The following DHX57 variants were observed in gnomAD, a reference collection of about 807,000 sequenced individuals.
DHX57 encodes the protein putative ATP-dependent RNA helicase DHX57.
In DHX57, 105 loss-of-function variants were observed where a neutral mutation model predicts 156.2. The observed-to-expected ratio is 0.67, with a 90% CI of 0.57 to 0.79. The LOEUF is 0.79. Among genes scored for constraint, DHX57 ranks in the 30% least tolerant of loss-of-function variants. DHX57 has a pLI of 0.00. For synonymous variants in DHX57, 704 were observed against 595.6 expected (o/e 1.18, Z -2.65); for missense variants, 1,847 against 1,661.9 (o/e 1.11, Z -1.94).
At chr2:38,810,565 C>T (rs943222473) in intron 21 of DHX57, 4 of 582,320 alleles carry the variant, frequency 6.9e-6, no homozygotes, top group East Asian at 7.9e-5. Context: ...CTGCTCTCCA[C>T]TGTAGAGAGA....
Position 38,858,853 on chromosome 2 carries a change from G to T in DHX57, c.1412-17C>A, listed in dbSNP as rs1400010707. On this transcript the variant is annotated splice_polypyrimidine_tract_variant and intron_variant, in intron 5 of 23. Transcript: ENST00000457308. ...CTTTTTCAACTTGAAGGAAATAAAA[G>T]AAAACATTTCAGTATGGAGCCCTTT... 1.2e-6 allele frequency: 2 copies of T among 1,603,616 alleles called. No homozygotes were observed. Among genetic ancestry groups the T allele is most frequent in the East Asian group, 2.3e-5 (1 of 44,284 alleles).
rs780484174 is a variant in DHX57, at chr2:38,861,478, C to A, written c.932G>T (p.Gly311Val). 6.2e-7 allele frequency: 1 copy of A among 1,614,008 alleles called. No individual in the cohort carries two copies. Among genetic ancestry groups the A allele is most frequent in the South Asian group, 1.1e-5 (1 of 91,076 alleles). Reference protein sequence around the residue: ...SLEICKFYLKGNCKFGSKCRF... With the variant: ...SLEICKFYLKVNCKFGSKCRF... ...GCATTTTGATCCAAATTTACAATTT[C>A]CTTTGAGGTAAAATTTACAGATTTC... Residue 311 changes from glycine (G) to valine (V), a missense_variant, in exon 5 of 24, where the codon GGA (glycine) becomes GTA (valine). Transcript: ENST00000457308.
chr2:38,842,567 G>GA lies in DHX57; in HGVS notation c.2425+437dup, dbSNP rs1297945270. On this transcript the variant is annotated intron_variant, in intron 12 of 23. Coordinates refer to ENST00000457308, the MANE Select transcript of DHX57 (RefSeq NM_198963.3). The stretch of plus-strand genomic sequence containing the variant: ...CTGTAACTTACTCTCAGGAGATTCA[G>GA]AAAAAAAAAATACATGAACCCAGAG... 2.9e-3 allele frequency among the ~76,000 whole-genome samples: 433 copies of GA among 147,016 alleles called. 3 individuals carry two copies. Among genetic ancestry groups the GA allele is most frequent in the African/African-American group, 9.5e-3 (383 of 40,230 alleles).
intron 20 of DHX57, 85 bp from the exon 21 acceptor site, chr2:38,813,980 C>G (rs1299250942): frequency 6.7e-7 from 1 of 1,483,930 alleles, no homozygotes; most frequent in Non-Finnish European, 9.3e-7. Context: ...CTCTGTCACC[C>G]AGGCAAGTGT....
At chr2:38,812,374 G>T (rs980947836) in intron 21 of DHX57, among the ~76,000 whole-genome samples, 4 of 152,158 alleles carry the variant, frequency 2.6e-5, no homozygotes, top group East Asian at 1.9e-4. Context: ...AAAAGTTAAG[G>T]CTTTGAAAAA....
chr2:38,862,491 A>T (rs1673287017), intron 3 of DHX57, 158 bp from the exon 4 acceptor site: 1 of 669,962 alleles, frequency 1.5e-6, no homozygotes, highest in Admixed American at 3.8e-5. Flanking sequence ...CTTGGCAATT[A>T]ACATTTACCA....
intron 21 of DHX57, among the ~76,000 whole-genome samples, chr2:38,813,391 G>C (rs1670370523): frequency 6.7e-6 from 1 of 149,994 alleles, no homozygotes; most frequent in Non-Finnish European, 1.5e-5. Flanking sequence ...TTTTTTTTGA[G>C]ATGGAGTCTC....
At chr2:38,818,422 G>A (rs1337375837) in intron 19 of DHX57, among the ~76,000 whole-genome samples, 1 of 152,142 alleles carries the variant, frequency 6.6e-6, no homozygotes, top group Non-Finnish European at 1.5e-5. Flanking sequence ...AGCTACTCAG[G>A]TGTCTGAGGC....
At chr2:38,820,166 A>C (rs1318406203) in intron 17 of DHX57, among the ~76,000 whole-genome samples, 1 of 152,182 alleles carries the variant, frequency 6.6e-6, no homozygotes, top group Non-Finnish European at 1.5e-5. Flanking sequence ...AATAGCAATA[A>C]AATTTTAATT....
chr2:38,847,161 G>T, intron 10 of DHX57, 88 bp from the exon 11 acceptor site: 2 of 1,031,024 alleles, frequency 1.9e-6, no homozygotes, highest in Non-Finnish European at 2.9e-6. Context: ...TTCTCTTAAA[G>T]CTTGTCATGC....
rs370379266 is a variant in DHX57 at position 38,828,232 on chromosome 2, C to G, written c.2639+108G>C. 6.9e-5 allele frequency: 49 copies of G among 711,696 alleles called. No homozygotes were observed. The East Asian group carries it at 1.2e-3, about 18-fold the overall frequency. The allele number at this position is 711,696 out of a possible 1,614,324, so 44.1% of individuals were successfully genotyped here. On this transcript the variant is annotated intron_variant, in intron 14 of 23. Coordinates refer to ENST00000457308, the MANE Select transcript of DHX57 (RefSeq NM_198963.3). ...TTTGCTCATTTCCAGCTGGCATAAA[C>G]AAATGTATGCTCGAAGACTGGTGCT...
chr2:38,843,326 T>C, intron 11 of DHX57, 116 bp from the exon 12 acceptor site: 1 of 1,025,504 alleles, frequency 9.8e-7, no homozygotes, highest in South Asian at 1.5e-5. Context: ...CCAATTCACA[T>C]GCCATCCTTC....
At chr2:38,865,481 CAATT>C (rs1665023542) in intron 2 of DHX57, among the ~76,000 whole-genome samples, 1 of 152,174 alleles carries the variant, frequency 6.6e-6, no homozygotes. Context: ...TACTGTGAGT[CAATT>C]AAACCTCTTT....
chr2:38,846,943 T>C, intron 11 of DHX57, 76 bp downstream of exon 11: 1 of 1,324,536 alleles, frequency 7.5e-7, no homozygotes, highest in Admixed American at 1.9e-5. Flanking sequence ...ACCTTTGCCT[T>C]CCAAAGTGCT....
chr2:38,859,777 C>A (rs1454854885), intron 5 of DHX57, among the ~76,000 whole-genome samples: 2 of 149,364 alleles, frequency 1.3e-5, no homozygotes, highest in Non-Finnish European at 3.0e-5. Context: ...ACTTTTGTTT[C>A]TCTGGAAGAA....
At chr2:38,827,154 A>AAAAT (rs1671127065) in intron 14 of DHX57, among the ~76,000 whole-genome samples, 1 of 151,748 alleles carries the variant, frequency 6.6e-6, no homozygotes, top group South Asian at 2.1e-4. Flanking sequence ...AAAATAAAAT[A>AAAAT]AAATAAAAGG....
At chr2:38,805,652 T>C (rs1465112226) in intron 22 of DHX57, among the ~76,000 whole-genome samples, 1 of 151,136 alleles carries the variant, frequency 6.6e-6, no homozygotes, top group African/African-American at 2.4e-5. Context: ...GAAGTGGGAG[T>C]CTATGTGACT....
intron 22 of DHX57, chr2:38,803,119 TG>T: frequency 5.3e-6 from 3 of 569,188 alleles, no homozygotes; most frequent in East Asian, 3.0e-5. Context: ...CTCACACTTG[TG>T]TTTAAAAAAA....
At chr2:38,821,358 G>C (rs1670805908) in intron 17 of DHX57, among the ~76,000 whole-genome samples, 1 of 151,938 alleles carries the variant, frequency 6.6e-6, no homozygotes, top group Non-Finnish European at 1.5e-5. Context: ...AAAGAATAAA[G>C]AGCAGACAGT....
Sources: allele counts gnomAD v4.1 joint callset (sites outside exome capture counted in the v4.1 genomes callset), GRCh38; gene constraint gnomAD v4.1.1; transcripts MANE v1.5; gene names NCBI Gene and HGNC (gene_info 2026-07-23, HGNC 2026-07-21).